The following ARMH4 variants were observed in gnomAD, a reference collection of about 807,000 sequenced individuals.
ARMH4 encodes the protein armadillo-like helical domain-containing protein 4.
ARMH4 carries 49 observed loss-of-function variants against 61.9 expected under a neutral mutation model. That is an observed-to-expected ratio of 0.79 (90% confidence interval 0.63 to 1.00). The LOEUF (loss-of-function observed/expected upper bound fraction) is 1.00, where lower values mean the gene tolerates loss of function less well. Ranked by LOEUF, ARMH4 falls within the 50% of genes least tolerant of loss-of-function variation. ARMH4 has a pLI of 0.00. For missense variants in ARMH4, 934 were observed against 930.0 expected (o/e 1.00, Z -0.06); for synonymous variants, 368 against 341.5 (o/e 1.08, Z -0.85).
At position 58,149,409 on chromosome 14, in the gene ARMH4, C is replaced by T. The variant is rs1054449503; in HGVS notation, c.-57+2666G>A. 4.6e-5 allele frequency among the ~76,000 whole-genome samples: 7 copies of T among 152,298 alleles called. No individual in the cohort carries two copies. The Middle Eastern group carries it at 0.02, about 444-fold the overall frequency. On this transcript the variant is annotated intron_variant, in intron 1 of 7. Coordinates refer to ENST00000267485, the MANE Select transcript of ARMH4 (RefSeq NM_001001872.4). The stretch of plus-strand genomic sequence containing the variant: ...AGGAGGGAGAAGGAGTAAGTAACCA[C>T]AAAGAAAAGCATGGTCCCCCAGGAG...
At chr14:58,006,044 C>G (rs1396787512) in intron 6 of ARMH4, among the ~76,000 whole-genome samples, 1 of 152,160 alleles carries the variant, frequency 6.6e-6, no homozygotes, top group African/African-American at 2.4e-5. Context: ...CAAGGTGTCA[C>G]TATGGATACC....
chr14:58,047,775 C>T (rs1481681117), intron 5 of ARMH4, among the ~76,000 whole-genome samples: 1 of 152,042 alleles, frequency 6.6e-6, no homozygotes, highest in African/African-American at 2.4e-5. Context: ...AATTAAGGAG[C>T]TTGGGTAAAG....
intron 1 of ARMH4, chr14:58,141,251 A>T (rs990352257): frequency 6.8e-6 from 2 of 296,272 alleles, no homozygotes; most frequent in Admixed American, 4.6e-5. Flanking sequence ...CTTTTTCTTC[A>T]GCGAGGCGGC....
chr14:58,085,275 T>G (rs1037702004), intron 5 of ARMH4, among the ~76,000 whole-genome samples: 5 of 152,108 alleles, frequency 3.3e-5, no homozygotes, highest in African/African-American at 1.2e-4. Flanking sequence ...TTTGTTCACT[T>G]TCCTCTGTAT....
intron 5 of ARMH4, among the ~76,000 whole-genome samples, chr14:58,030,721 T>C (rs11629444): frequency 6.6e-6 from 1 of 152,164 alleles, no homozygotes; most frequent in Non-Finnish European, 1.5e-5. Flanking sequence ...AGTATTTGTC[T>C]TTTGGGGATG....
At chr14:58,056,580 G>A (rs1228259156) in intron 5 of ARMH4, among the ~76,000 whole-genome samples, 2 of 152,192 alleles carry the variant, frequency 1.3e-5, no homozygotes, top group African/African-American at 2.4e-5. Flanking sequence ...TCTTGGAGAT[G>A]AGCAGTCCCA....
At chr14:58,115,136 A>G (rs1226325990) in intron 4 of ARMH4, among the ~76,000 whole-genome samples, 1 of 152,188 alleles carries the variant, frequency 6.6e-6, no homozygotes, top group Non-Finnish European at 1.5e-5. Context: ...AAAAGAAACT[A>G]TCAAGGGGGT....
At chr14:58,004,974 T>A in intron 7 of ARMH4, 74 bp downstream of exon 7, 1 of 1,595,574 alleles carries the variant, frequency 6.3e-7, no homozygotes, top group Non-Finnish European at 8.6e-7. Context: ...AAACCCCGTG[T>A]GCTTTATTAA....
chr14:58,069,057 T>C (rs1884797389), intron 5 of ARMH4, among the ~76,000 whole-genome samples: 1 of 150,534 alleles, frequency 6.6e-6, no homozygotes. Context: ...TAAAGATCTA[T>C]AAAGATCTAG....
At chr14:58,077,256 G>T (rs921182113) in intron 5 of ARMH4, among the ~76,000 whole-genome samples, 11 of 152,280 alleles carry the variant, frequency 7.2e-5, no homozygotes, top group Admixed American at 6.5e-4. Flanking sequence ...TTTAAAGATG[G>T]TAAAGAGTGA....
chr14:58,085,384 T>TAGATGTTTC (rs1885347783), intron 5 of ARMH4, among the ~76,000 whole-genome samples: 1 of 52,692 alleles, frequency 1.9e-5, no homozygotes, highest in African/African-American at 5.6e-5. Flanking sequence ...AAGAGCCTAC[T>TAGATGTTTC]AGATGTTTTC....
chr14:58,093,285 C>T (rs890457053), intron 5 of ARMH4, among the ~76,000 whole-genome samples: 2 of 152,100 alleles, frequency 1.3e-5, no homozygotes, highest in East Asian at 3.9e-4. Flanking sequence ...TAATAATACA[C>T]CTGGCCTAAG....
intron 5 of ARMH4, among the ~76,000 whole-genome samples, chr14:58,028,338 T>C (rs1407106084): frequency 1.3e-5 from 2 of 152,220 alleles, no homozygotes; most frequent in Non-Finnish European, 2.9e-5. Context: ...TGTTTGCTTG[T>C]GCTGAGTACA....
At chr14:58,018,680 T>C (rs535225011) in intron 5 of ARMH4, among the ~76,000 whole-genome samples, 1 of 152,310 alleles carries the variant, frequency 6.6e-6, no homozygotes, top group East Asian at 1.9e-4. Flanking sequence ...GGTGGCAATG[T>C]CAGTTGGTAC....
chr14:58,005,328 A>T, intron 6 of ARMH4, 146 bp from the exon 7 acceptor site: 1 of 1,019,532 alleles, frequency 9.8e-7, no homozygotes. Context: ...CCTAAAATAC[A>T]GTAACTTTTT....
chr14:58,049,011 G>A (rs1015722145), intron 5 of ARMH4, among the ~76,000 whole-genome samples: 1 of 152,096 alleles, frequency 6.6e-6, no homozygotes, highest in African/African-American at 2.4e-5. Context: ...GCCAAGGAGG[G>A]CGGATCATGA....
intron 1 of ARMH4, among the ~76,000 whole-genome samples, chr14:58,145,011 C>T (rs1044854971): frequency 3.3e-5 from 5 of 152,192 alleles, no homozygotes; most frequent in African/African-American, 9.7e-5. Context: ...AGCTATAGAA[C>T]TCTGTGGTTC....
chr14:58,054,727 A>G (rs178481), intron 5 of ARMH4, among the ~76,000 whole-genome samples: 1 of 151,830 alleles, frequency 6.6e-6, no homozygotes, highest in Non-Finnish European at 1.5e-5. Context: ...GTGAAACCCT[A>G]TCTCTACTAA....
intron 5 of ARMH4, among the ~76,000 whole-genome samples, chr14:58,096,161 C>T (rs763010528): frequency 6.6e-6 from 1 of 152,146 alleles, no homozygotes; most frequent in Non-Finnish European, 1.5e-5. Flanking sequence ...GAAATGAAAT[C>T]GTGTTTGACA....
Sources: allele counts gnomAD v4.1 joint callset (sites outside exome capture counted in the v4.1 genomes callset), GRCh38; gene constraint gnomAD v4.1.1; transcripts MANE v1.5; gene names NCBI Gene and HGNC (gene_info 2026-07-23, HGNC 2026-07-21).